Variants in CLASP2 observed in about 807,000 individuals in gnomAD.
CLASP2 encodes cytoplasmic linker associated protein 2.
A neutral mutation model predicts 194.4 loss-of-function variants in CLASP2; 47 were observed. The ratio of observed to expected loss-of-function variants is 0.24; its 90% CI spans 0.19 to 0.31. The LOEUF (loss-of-function observed/expected upper bound fraction) is 0.31, where lower values mean the gene tolerates loss of function less well. Among genes scored for constraint, CLASP2 ranks in the 10% least tolerant of loss-of-function variants. CLASP2 has a pLI of 1.00. For missense variants in CLASP2, 1,445 were observed against 1,823.6 expected (o/e 0.79, Z 3.78); for synonymous variants, 619 against 633.5 (o/e 0.98, Z 0.34).
chr3:33,559,843 G>A (rs1020289390), intron 28 of CLASP2, among the ~76,000 whole-genome samples: 3 of 152,146 alleles, frequency 2.0e-5, no homozygotes, highest in African/African-American at 2.4e-5. Context: ...GCAGTGAGCC[G>A]AGATTGCGCC....
At chr3:33,640,337 G>A (rs895668942) in intron 8 of CLASP2, among the ~76,000 whole-genome samples, 2 of 152,102 alleles carry the variant, frequency 1.3e-5, no homozygotes, top group African/African-American at 4.8e-5. Flanking sequence ...ATAGATATTT[G>A]GACATTCTTT....
intron 33 of CLASP2, among the ~76,000 whole-genome samples, chr3:33,536,441 T>C (rs1012245081): frequency 5.3e-5 from 8 of 151,946 alleles, no homozygotes; most frequent in Non-Finnish European, 1.2e-4. Flanking sequence ...GGAGGTAGAG[T>C]GTTTCAGGTA....
chr3:33,687,087 A>G lies in CLASP2; in HGVS notation c.519T>C (p.Cys173=). 6.2e-7 allele frequency: 1 copy of G among 1,602,748 alleles called. No individual in the cohort carries two copies. Among genetic ancestry groups the G allele is most frequent in the Non-Finnish European group, 8.5e-7 (1 of 1,174,274 alleles). Residue 173 remains cysteine, a synonymous_variant, in exon 5 of 39, where the codon TGT becomes TGC. Transcript: ENST00000682230. ...LVISKLIPHL[C]ILFGDSNSQV... ...GACTGTTGGAGTCTCCAAACAGGATACACAAATGTGGTATCAATTTGCTGA... is the reference window on the plus strand; with the variant it reads ...GACTGTTGGAGTCTCCAAACAGGATGCACAAATGTGGTATCAATTTGCTGA...
intron 12 of CLASP2, among the ~76,000 whole-genome samples, chr3:33,613,028 A>T (rs138920511): frequency 7.4e-4 from 112 of 152,338 alleles, no homozygotes; most frequent in Non-Finnish European, 1.3e-3. Flanking sequence ...CTAAAAGAGA[A>T]TAATTAGAAT....
chr3:33,654,032 C>CAAA lies in CLASP2; in HGVS notation c.716-9132_716-9130dup, dbSNP rs11456253. On this transcript the variant is annotated intron_variant, in intron 7 of 38. Transcript: ENST00000682230. ...GCACATTCCCTTTGCTCTGAACTGT[C>CAAA]AAAAAAAAAAAAAAAGAACGAACAG... is the stretch of plus-strand genomic sequence containing the variant. Among the ~76,000 whole-genome samples the CAAA allele has an allele frequency of 4.6e-3, 548 of 118,676 alleles. 6 individuals carry two copies. The highest frequency in any genetic ancestry group is 0.015 in the African/African-American group (510 of 33,352). 77.9% of individuals were successfully genotyped at this position (118,676 alleles called of 152,430 possible).
At chr3:33,567,735 A>G (rs947813639) in intron 26 of CLASP2, among the ~76,000 whole-genome samples, 2 of 152,184 alleles carry the variant, frequency 1.3e-5, no homozygotes, top group South Asian at 4.1e-4. Flanking sequence ...ACTGCTAATA[A>G]ATTGGAGGTA....
chr3:33,603,869 C>T (rs534624596), intron 17 of CLASP2, among the ~76,000 whole-genome samples: 4 of 151,960 alleles, frequency 2.6e-5, no homozygotes, highest in Non-Finnish European at 5.9e-5. Context: ...GAGTTATGAC[C>T]CATTAATAGG....
chr3:33,560,804 T>C lies in CLASP2; in HGVS notation c.2930+4A>G. ...TAACTTGAAATATATGAAAAAAATA[T>C]TACCTTGTAACATCAAGGGCTTTCT... On this transcript the variant is annotated splice_donor_region_variant and intron_variant, in intron 28 of 38. Coordinates refer to ENST00000682230, the MANE Select transcript of CLASP2 (RefSeq NM_001365631.1). 2.5e-6 allele frequency: 4 copies of C among 1,611,194 alleles called. No individual in the cohort carries two copies. Among genetic ancestry groups the C allele is most frequent in the East Asian group, 4.5e-5 (2 of 44,834 alleles).
chr3:33,508,365 C>G (rs1437640657), intron 37 of CLASP2, among the ~76,000 whole-genome samples: 2 of 151,810 alleles, frequency 1.3e-5, no homozygotes, highest in African/African-American at 2.4e-5. Flanking sequence ...GAGTCTCACT[C>G]TGTCTCCCAG....
intron 1 of CLASP2, among the ~76,000 whole-genome samples, chr3:33,713,012 C>CAGAAAAAAA (rs1559717375): frequency 4.9e-4 from 23 of 46,988 alleles, no homozygotes; most frequent in Non-Finnish European, 5.9e-4. Flanking sequence ...AACTCCACCT[C>CAGAAAAAAA]AAAAAAAAAA....
chr3:33,586,790 T>A (rs560044000), intron 21 of CLASP2, among the ~76,000 whole-genome samples: 1 of 152,118 alleles, frequency 6.6e-6, no homozygotes, highest in Admixed American at 6.5e-5. Context: ...TATGATTATA[T>A]GTTATACAGT....
intron 29 of CLASP2, chr3:33,558,913 G>T: frequency 4.4e-6 from 1 of 226,938 alleles, no homozygotes; most frequent in Non-Finnish European, 8.7e-6. Context: ...ACCAGCTTAG[G>T]GTTAGATGGC....
At chr3:33,549,742 CTTTTTTTTT>C (rs139359537) in intron 30 of CLASP2, among the ~76,000 whole-genome samples, 1 of 142,278 alleles carries the variant, frequency 7.0e-6, no homozygotes, top group Non-Finnish European at 1.5e-5. Context: ...TACTTTTTTT[CTTTTTTTTT>C]TTTTTAAGAT....
At chr3:33,600,466 T>C (rs1191762078) in intron 18 of CLASP2, among the ~76,000 whole-genome samples, 1 of 152,210 alleles carries the variant, frequency 6.6e-6, no homozygotes, top group Non-Finnish European at 1.5e-5. Flanking sequence ...GCTACTGAGA[T>C]GATCATGTGG....
At chr3:33,688,881 T>C (rs2091024293) in intron 3 of CLASP2, among the ~76,000 whole-genome samples, 1 of 152,106 alleles carries the variant, frequency 6.6e-6, no homozygotes. Flanking sequence ...TATAGCTACC[T>C]ACCACACTTT....
intron 6 of CLASP2, among the ~76,000 whole-genome samples, chr3:33,665,357 T>A (rs1237408258): frequency 1.3e-5 from 2 of 151,404 alleles, no homozygotes; most frequent in Non-Finnish European, 2.9e-5. Flanking sequence ...GCAAATATAA[T>A]ACGAATATGG....
chr3:33,576,356 AC>A lies in CLASP2; in HGVS notation c.2348-82del, dbSNP rs575201043. The A allele has an allele frequency of 1.1e-4, 111 of 1,033,594 alleles. No individual in the cohort carries two copies. The South Asian group carries it at 1.6e-3, about 15-fold the overall frequency. 64.0% of individuals were successfully genotyped at this position (1,033,594 alleles called of 1,614,324 possible). A position where few individuals can be genotyped will look rare whatever the true frequency, so the allele number is the denominator to read the frequency against. On this transcript the variant is annotated intron_variant, in intron 23 of 38. Transcript: ENST00000682230. ...CAGGTTGGGAAACTTTAAGACCTTT[AC>A]AGGGGAAGGAAAAAAAACCAATGGG...
intron 33 of CLASP2, among the ~76,000 whole-genome samples, chr3:33,537,397 G>A (rs112429951): frequency 5.3e-5 from 8 of 152,322 alleles, no homozygotes; most frequent in African/African-American, 1.4e-4. Context: ...GGAAGGCAGA[G>A]GAAGGAGCCC....
intron 22 of CLASP2, among the ~76,000 whole-genome samples, chr3:33,582,598 G>A (rs975035873): frequency 2.6e-5 from 4 of 152,108 alleles, no homozygotes; most frequent in African/African-American, 4.8e-5. Context: ...GGTCGAGGCC[G>A]CAGTGAACTA....
Sources: gnomAD v4.1 joint callset for allele counts (sites outside exome capture counted in the v4.1 genomes callset) on GRCh38, gnomAD v4.1.1 for gene constraint, MANE v1.5 for transcripts, NCBI Gene and HGNC (gene_info 2026-07-23, HGNC 2026-07-21) for gene names.